SLC30A8: variants seen among roughly 807,000 people sequenced by gnomAD.
SLC30A8 encodes the protein solute carrier family 30 member 8, also known as proton-coupled zinc antiporter SLC30A8.
A neutral mutation model predicts 36.9 loss-of-function variants in SLC30A8; 27 were observed. The observed-to-expected ratio is 0.73, with a 90% CI of 0.54 to 1.01. The LOEUF is 1.01. Among genes scored for constraint, SLC30A8 ranks in the 50% least tolerant of loss-of-function variants. The probability of loss-of-function intolerance (pLI) is 0.00; values close to 1 mark genes in which losing one functional copy is unlikely to be tolerated. For synonymous variants in SLC30A8, 164 were observed against 172.4 expected (o/e 0.95, Z 0.38); for missense variants, 439 against 452.0 (o/e 0.97, Z 0.26).
intron 2 of SLC30A8, among the ~76,000 whole-genome samples, chr8:117,111,587 G>A (rs1820229565): frequency 6.6e-6 from 1 of 152,124 alleles, no homozygotes; most frequent in Non-Finnish European, 1.5e-5. Flanking sequence ...CTTTGGACAT[G>A]TGGACTAAAC....
intron 2 of SLC30A8, among the ~76,000 whole-genome samples, chr8:117,076,748 C>T (rs553463145): frequency 3.2e-4 from 49 of 151,424 alleles, no homozygotes; most frequent in Middle Eastern, 3.4e-3. Context: ...CTGATTTCTT[C>T]GAGGAGAGGG....
intron 1 of SLC30A8, among the ~76,000 whole-genome samples, chr8:117,030,258 T>TAA (rs34275499): frequency 8.2e-4 from 115 of 139,578 alleles, no homozygotes; most frequent in African/African-American, 2.4e-3. Flanking sequence ...TTGCTTTTGT[T>TAA]AAAAAAAAAA....
intron 2 of SLC30A8, among the ~76,000 whole-genome samples, chr8:117,079,795 T>C (rs2130809981): frequency 6.6e-6 from 1 of 152,342 alleles, no homozygotes; most frequent in South Asian, 2.1e-4. Flanking sequence ...CAACTGGGGC[T>C]ACGAGAGTAA....
chr8:117,091,007 A>T (rs1284193527), intron 2 of SLC30A8, among the ~76,000 whole-genome samples: 2 of 152,000 alleles, frequency 1.3e-5, no homozygotes, highest in Non-Finnish European at 2.9e-5. Flanking sequence ...CACTTTTTGA[A>T]TTTTTTCTTC....
chr8:117,047,674 G>A (rs1279153731), intron 2 of SLC30A8, among the ~76,000 whole-genome samples: 1 of 152,108 alleles, frequency 6.6e-6, no homozygotes, highest in Non-Finnish European at 1.5e-5. Flanking sequence ...TTTCGTCAGA[G>A]GCGTTTGAAC....
intron 2 of SLC30A8, among the ~76,000 whole-genome samples, chr8:117,075,343 G>A (rs1222381990): frequency 1.3e-5 from 2 of 152,032 alleles, no homozygotes; most frequent in African/African-American, 4.8e-5. Flanking sequence ...AATATATGAA[G>A]TACTATAGGT....
chr8:116,966,221 C>T (rs1052087678), intron 1 of SLC30A8, among the ~76,000 whole-genome samples: 3 of 152,084 alleles, frequency 2.0e-5, no homozygotes, highest in African/African-American at 4.8e-5. Flanking sequence ...ATAAAGATGG[C>T]GAGTGCAGGA....
intron 2 of SLC30A8, among the ~76,000 whole-genome samples, chr8:117,118,752 T>G (rs1820559765): frequency 6.6e-6 from 1 of 151,952 alleles, no homozygotes; most frequent in South Asian, 2.1e-4. Flanking sequence ...ACCTCCTCAC[T>G]TGAAAGATAT....
chr8:117,065,356 T>G lies in SLC30A8; in HGVS notation c.-226+26098T>G, dbSNP rs142788604. Among the ~76,000 whole-genome samples the G allele has an allele frequency of 5.0e-4, 76 of 152,294 alleles. 2 individuals carry two copies. The East Asian group carries it at 0.014, about 29-fold the overall frequency. Reference sequence around the variant, plus strand: ...AAAATTACATAATAAATTCCTTATTTAGAACCTAAAGAAGGAAGGATATTA... The same window carrying G: ...AAAATTACATAATAAATTCCTTATTGAGAACCTAAAGAAGGAAGGATATTA... On this transcript the variant is annotated intron_variant, in intron 2 of 10. Transcript: ENST00000427715.
chr8:117,173,386 C>T lies in SLC30A8; in HGVS notation c.*705C>T, dbSNP rs1203747406. ...AGAGTGCTTAAACACTGGCACCAGC[C>T]AAAGAATGTGGTTGTAGAGACCCAG... On this transcript the variant is annotated 3_prime_UTR_variant, in exon 8 of 8. Coordinates refer to ENST00000456015, the MANE Select transcript of SLC30A8 (RefSeq NM_173851.3). The T allele has an allele frequency of 6.6e-6, 1 of 152,050 alleles. No homozygotes were observed. The highest frequency in any genetic ancestry group is 1.5e-5 in the Non-Finnish European group (1 of 67,988). The allele number at this position is 152,050 out of a possible 1,614,324, so 9.4% of individuals were successfully genotyped here. A position where few individuals can be genotyped will look rare whatever the true frequency, so the allele number is the denominator to read the frequency against.
chr8:116,998,313 C>CAGAA (rs1343662023), intron 1 of SLC30A8, among the ~76,000 whole-genome samples: 1 of 152,110 alleles, frequency 6.6e-6, no homozygotes, highest in Non-Finnish European at 1.5e-5. Context: ...CAATGATGGC[C>CAGAA]AGAAATTTGG....
At chr8:117,082,439 C>G (rs1377432682) in intron 2 of SLC30A8, among the ~76,000 whole-genome samples, 1 of 152,154 alleles carries the variant, frequency 6.6e-6, no homozygotes, top group African/African-American at 2.4e-5. Flanking sequence ...TTCTTTTTAT[C>G]TCAGTGTAGT....
chr8:117,165,781 T>C (rs573757459), intron 6 of SLC30A8, among the ~76,000 whole-genome samples: 1 of 152,286 alleles, frequency 6.6e-6, no homozygotes, highest in Non-Finnish European at 1.5e-5. Flanking sequence ...ATATACACAA[T>C]GGAATACTAT....
chr8:117,134,172 A>G (rs748071173), upstream of SLC30A8, among the ~76,000 whole-genome samples: 6 of 152,034 alleles, frequency 3.9e-5, 1 homozygote, highest in East Asian at 1.2e-3. Flanking sequence ...CATAATGGGC[A>G]ACTTCCCGTG....
At chr8:117,056,167 G>A (rs1212978949) in intron 2 of SLC30A8, 1 of 152,122 alleles carries the variant, frequency 6.6e-6, no homozygotes, top group Non-Finnish European at 1.5e-5. Flanking sequence ...TTATTATAGT[G>A]TAACATCTGA....
chr8:116,952,132 C>A (rs1473805524), intron 1 of SLC30A8, among the ~76,000 whole-genome samples: 1 of 152,026 alleles, frequency 6.6e-6, no homozygotes, highest in African/African-American at 2.4e-5. Flanking sequence ...TGAGCAAAGT[C>A]ATCATCTGTA....
intron 2 of SLC30A8, among the ~76,000 whole-genome samples, chr8:117,124,392 G>A (rs1586554321): frequency 6.6e-6 from 1 of 151,916 alleles, no homozygotes; most frequent in Non-Finnish European, 1.5e-5. Context: ...GCCCAATGCA[G>A]GTCAGTAGAG....
At chr8:116,965,499 T>C (rs1814571085) in intron 1 of SLC30A8, among the ~76,000 whole-genome samples, 1 of 152,220 alleles carries the variant, frequency 6.6e-6, no homozygotes, top group South Asian at 2.1e-4. Context: ...ACCTGCCCAC[T>C]AGCTAGGTGT....
chr8:116,985,137 A>C (rs1003924199), intron 1 of SLC30A8, among the ~76,000 whole-genome samples: 1 of 152,112 alleles, frequency 6.6e-6, no homozygotes, highest in African/African-American at 2.4e-5. Context: ...ATATTATAAA[A>C]ATAACATGCA....
Sources: allele counts gnomAD v4.1 joint callset (sites outside exome capture counted in the v4.1 genomes callset), GRCh38; gene constraint gnomAD v4.1.1; transcripts MANE v1.5; gene names NCBI Gene and HGNC (gene_info 2026-07-23, HGNC 2026-07-21).